Variants in MNAT1 observed in about 807,000 individuals in gnomAD.
The protein encoded by MNAT1 is MNAT1 component of CDK activating kinase.
In MNAT1, 43 loss-of-function variants were observed where a neutral mutation model predicts 42.0. The ratio of observed to expected loss-of-function variants is 1.02; its 90% confidence interval spans 0.80 to 1.32. The LOEUF (loss-of-function observed/expected upper bound fraction) is 1.32. Among genes scored for constraint, MNAT1 ranks in the 40% most tolerant of loss-of-function variants. MNAT1 has a pLI of 0.00. For synonymous variants in MNAT1, 118 were observed against 120.0 expected (o/e 0.98, Z 0.11); for missense variants, 306 against 350.4 (o/e 0.87, Z 1.01).
chr14:60,946,679 T>G (rs1216883791), intron 7 of MNAT1, among the ~76,000 whole-genome samples: 1 of 152,228 alleles, frequency 6.6e-6, no homozygotes, highest in Non-Finnish European at 1.5e-5. Context: ...AGGCTCTTTT[T>G]TAGGCACTTC....
chr14:60,921,390 G>C (rs1043924193), intron 7 of MNAT1, among the ~76,000 whole-genome samples: 1 of 152,044 alleles, frequency 6.6e-6, no homozygotes, highest in Non-Finnish European at 1.5e-5. Context: ...TAAGCAAACA[G>C]AAGAAAAATT....
intron 1 of MNAT1, among the ~76,000 whole-genome samples, chr14:60,772,963 CT>C (rs1417420709): frequency 4.0e-5 from 6 of 149,750 alleles, no homozygotes; most frequent in African/African-American, 1.5e-4. Context: ...GAGACAGAGT[CT>C]CTCTCTGTCG....
At chr14:60,877,893 C>T (rs1465146039) in intron 6 of MNAT1, among the ~76,000 whole-genome samples, 1 of 151,882 alleles carries the variant, frequency 6.6e-6, no homozygotes, top group Non-Finnish European at 1.5e-5. Context: ...ATTTAGTTTT[C>T]AGCATAAAAT....
intron 2 of MNAT1, 31 bp downstream of exon 2, chr14:60,796,400 A>G (rs200214735): frequency 1.8e-4 from 287 of 1,587,138 alleles, no homozygotes; most frequent in Non-Finnish European, 2.2e-4. Context: ...GATTCAGTCA[A>G]CAAAGAGGAC....
chr14:60,771,608 T>C lies in MNAT1; in HGVS notation c.90-24609T>C, dbSNP rs113300807. ...AAGTCCTTATAGCGTCCCTTCTGTC[T>C]TACATGATCATTCTCCAGCTTCTCT... is the stretch of plus-strand genomic sequence containing the variant. On this transcript the variant is annotated intron_variant, in intron 1 of 7. Transcript: ENST00000261245. 5.3e-4 allele frequency among the ~76,000 whole-genome samples: 81 copies of C among 152,352 alleles called. 1 individual carries two copies. The highest frequency in any genetic ancestry group is 1.9e-3 in the African/African-American group (78 of 41,578).
intron 6 of MNAT1, among the ~76,000 whole-genome samples, chr14:60,878,396 CA>C (rs996247620): frequency 2.6e-5 from 4 of 151,858 alleles, no homozygotes; most frequent in East Asian, 1.9e-4. Context: ...GGTTAGGAAA[CA>C]AAAAGAAGTA....
chr14:60,811,946 T>C, intron 4 of MNAT1, 41 bp from the exon 5 acceptor site: 1 of 1,511,758 alleles, frequency 6.6e-7, no homozygotes, highest in South Asian at 1.4e-5. Flanking sequence ...TGCTCTTGGC[T>C]CCTAAATTTA....
At chr14:60,834,013 G>T (rs1028998294) in intron 6 of MNAT1, among the ~76,000 whole-genome samples, 1 of 152,184 alleles carries the variant, frequency 6.6e-6, no homozygotes, top group African/African-American at 2.4e-5. Context: ...TGTGGGATCA[G>T]TGGTGACATT....
intron 6 of MNAT1, among the ~76,000 whole-genome samples, chr14:60,875,508 A>G (rs2034417828): frequency 6.6e-6 from 1 of 152,116 alleles, no homozygotes; most frequent in Non-Finnish European, 1.5e-5. Context: ...CCATTTCCTC[A>G]TTCATAAAGT....
intron 1 of MNAT1, among the ~76,000 whole-genome samples, chr14:60,762,965 T>C (rs1042839286): frequency 6.6e-6 from 1 of 152,170 alleles, no homozygotes; most frequent in African/African-American, 2.4e-5. Flanking sequence ...CTTATTATCA[T>C]GTATGGACTT....
At chr14:60,881,631 A>T (rs1424196425) in intron 7 of MNAT1, among the ~76,000 whole-genome samples, 3 of 151,990 alleles carry the variant, frequency 2.0e-5, no homozygotes, top group African/African-American at 4.8e-5. Flanking sequence ...TAAGATAGAG[A>T]AGATTTTTTT....
chr14:60,762,287 C>T (rs930383777), intron 1 of MNAT1, among the ~76,000 whole-genome samples: 16 of 152,102 alleles, frequency 1.1e-4, no homozygotes, highest in Non-Finnish European at 1.5e-5. Flanking sequence ...GACTCAGCTT[C>T]ATGAAAAAAT....
In MNAT1 at chr14:60,740,121, C is replaced by T. The variant is rs1444168488; in HGVS notation, c.89+5170C>T. 6.6e-6 allele frequency among the ~76,000 whole-genome samples: 1 copy of T among 152,194 alleles called. No individual in the cohort carries two copies. Among genetic ancestry groups the T allele is most frequent in the Admixed American group, 6.5e-5 (1 of 15,280 alleles). On this transcript the variant is annotated intron_variant, in intron 1 of 7. Coordinates refer to ENST00000261245, the MANE Select transcript of MNAT1 (RefSeq NM_002431.4). This position sits in a 1 kb window ranked among gnomAD's most constrained non-coding sequence, Gnocchi z 4.1. The stretch of plus-strand genomic sequence containing the variant: ...AGTGAGCCGAGATCACACCACTGCA[C>T]TCCAGCCTAGGCTACAGAGCAAGAC...
intron 6 of MNAT1, among the ~76,000 whole-genome samples, chr14:60,831,833 G>A (rs1209759502): frequency 1.3e-5 from 2 of 152,070 alleles, no homozygotes; most frequent in Admixed American, 6.6e-5. Context: ...ACCCTCTCTA[G>A]CATCTATTGT....
chr14:60,745,628 G>C (rs2140287182), intron 1 of MNAT1, among the ~76,000 whole-genome samples: 1 of 152,212 alleles, frequency 6.6e-6, no homozygotes, highest in East Asian at 1.9e-4. Context: ...TGTTGCCCAG[G>C]CTGGTCTTGA....
At chr14:60,889,180 C>T (rs2034767920) in intron 7 of MNAT1, among the ~76,000 whole-genome samples, 1 of 152,190 alleles carries the variant, frequency 6.6e-6, no homozygotes, top group Non-Finnish European at 1.5e-5. Flanking sequence ...GGAGGCATCA[C>T]ACTACCTGAC....
At chr14:60,799,423 A>C in intron 3 of MNAT1, 4 of 983,486 alleles carry the variant, frequency 4.1e-6, no homozygotes, top group Non-Finnish European at 4.8e-6. Context: ...TATAGATACT[A>C]AGTATAGGAC....
chr14:60,913,455 GT>G (rs1246013519), intron 7 of MNAT1, among the ~76,000 whole-genome samples: 2 of 152,036 alleles, frequency 1.3e-5, no homozygotes, highest in East Asian at 3.9e-4. Context: ...CATCTTTGTG[GT>G]TTTATCTACC....
intron 7 of MNAT1, among the ~76,000 whole-genome samples, chr14:60,901,112 A>G (rs1468332336): frequency 6.6e-6 from 1 of 150,784 alleles, no homozygotes; most frequent in Non-Finnish European, 1.5e-5. Flanking sequence ...GCAGCTGGTG[A>G]CTTTAAATTG....
Sources: allele counts gnomAD v4.1 joint callset (sites outside exome capture counted in the v4.1 genomes callset), GRCh38; gene constraint gnomAD v4.1.1; non-coding constraint Gnocchi (gnomAD v3.1); transcripts MANE v1.5; gene names NCBI Gene and HGNC (gene_info 2026-07-23, HGNC 2026-07-21).